The following TNRC6A variants were observed in gnomAD, a reference collection of about 807,000 sequenced individuals.
The protein encoded by TNRC6A is trinucleotide repeat containing adaptor 6A, also known as trinucleotide repeat-containing gene 6A protein.
In TNRC6A, 44 loss-of-function variants were observed where a neutral mutation model predicts 221.2. That is an observed-to-expected ratio of 0.20 (90% CI 0.16 to 0.26). TNRC6A has a LOEUF of 0.26. Ranked by LOEUF, TNRC6A falls within the 10% of genes least tolerant of loss-of-function variation. The probability of loss-of-function intolerance (pLI) is 1.00; values close to 1 mark genes in which losing one functional copy is unlikely to be tolerated. For synonymous variants in TNRC6A, 847 were observed against 838.5 expected (o/e 1.01, Z -0.18); for missense variants, 2,199 against 2,404.4 (o/e 0.91, Z 1.79).
chr16:24,754,190 T>C (rs572904985), intron 3 of TNRC6A, among the ~76,000 whole-genome samples: 8 of 152,318 alleles, frequency 5.3e-5, no homozygotes, highest in African/African-American at 1.4e-4. Context: ...GGTTATTTTC[T>C]ATTTTAAATA....
At position 24,823,763 on chromosome 16, in the gene TNRC6A, T is replaced by C. The variant is rs764133353; in HGVS notation, c.5845T>C (p.Phe1949Leu). The change falls in exon 25 of 25, where the codon TTT becomes CTT. Residue 1949 changes from phenylalanine to leucine, a missense_variant. This residue lies in a region of TNRC6A where 130 missense variants were observed against 121.7 expected (regional missense o/e 1.07). Transcript: ENST00000395799. The surrounding 1 kb of genome is among the most constrained non-coding windows in gnomAD (Gnocchi z 4.3). ...TAGCAGCCCATCTCCCATTAACGCT[T>C]TTCTTTCTGTTGACCACCTGGGTGG... The part of the protein sequence containing the change: ...GISSPSPINA[F>L]LSVDHLGGGG... The C allele has an allele frequency of 4.0e-6, 6 of 1,486,536 alleles. No individual in the cohort carries two copies. Among genetic ancestry groups the C allele is most frequent in the Admixed American group, 2.4e-5 (1 of 40,848 alleles). 92.1% of individuals were successfully genotyped at this position (1,486,536 alleles called of 1,614,324 possible).
intron 2 of TNRC6A, among the ~76,000 whole-genome samples, chr16:24,702,017 A>C (rs1208846649): frequency 6.6e-6 from 1 of 150,716 alleles, no homozygotes; most frequent in Non-Finnish European, 1.5e-5. Context: ...CAATAACCCC[A>C]CTGATTGCCT....
At chr16:24,755,607 C>A (rs1319776997) in intron 3 of TNRC6A, among the ~76,000 whole-genome samples, 1 of 152,190 alleles carries the variant, frequency 6.6e-6, no homozygotes, top group East Asian at 1.9e-4. Flanking sequence ...GTGTAAGTGG[C>A]AGAGCCAGGT....
At chr16:24,801,500 A>G (rs531248481) in intron 11 of TNRC6A, among the ~76,000 whole-genome samples, 1 of 150,678 alleles carries the variant, frequency 6.6e-6, no homozygotes, top group African/African-American at 2.4e-5. Flanking sequence ...GTGTTGGAGA[A>G]TGGTTTGTGG....
intron 1 of TNRC6A, among the ~76,000 whole-genome samples, chr16:24,613,115 C>CA (rs553122873): frequency 0.031 from 1,665 of 54,262 alleles, 24 homozygotes; most frequent in African/African-American, 0.037. Flanking sequence ...GACTCTGTCT[C>CA]AAAAAAAAAA....
chr16:24,644,517 C>T (rs1380109464), intron 2 of TNRC6A, among the ~76,000 whole-genome samples: 1 of 152,154 alleles, frequency 6.6e-6, no homozygotes, highest in East Asian at 1.9e-4. Flanking sequence ...TGGTCTTAAA[C>T]TCCTAGGCTC....
chr16:24,673,520 C>CAGTG (rs2055348385), intron 2 of TNRC6A, among the ~76,000 whole-genome samples: 1 of 152,170 alleles, frequency 6.6e-6, no homozygotes. Context: ...CCAGCTCGAG[C>CAGTG]AGTGAAACAA....
chr16:24,707,538 C>G (rs188986249), intron 2 of TNRC6A, among the ~76,000 whole-genome samples: 6 of 152,152 alleles, frequency 3.9e-5, no homozygotes, highest in Non-Finnish European at 7.4e-5. Flanking sequence ...TTCTACAATT[C>G]ATGCAACAGA....
intron 18 of TNRC6A, among the ~76,000 whole-genome samples, chr16:24,811,060 G>A (rs140612827): frequency 3.9e-5 from 6 of 152,266 alleles, no homozygotes; most frequent in East Asian, 3.9e-4. Context: ...GGTGTTCGCC[G>A]TAAATCATAT....
At chr16:24,650,674 A>G (rs28787982) in intron 2 of TNRC6A, among the ~76,000 whole-genome samples, 34,227 of 151,752 alleles carry the variant, frequency 0.23, 4,024 homozygotes, top group African/African-American at 0.29. Flanking sequence ...CAAAAAAAAA[A>G]AAAGAAAGAA....
chr16:24,655,010 A>G (rs943648713), intron 2 of TNRC6A, among the ~76,000 whole-genome samples: 1 of 152,202 alleles, frequency 6.6e-6, no homozygotes, highest in Non-Finnish European at 1.5e-5. Flanking sequence ...TGGGAGCCCA[A>G]GGTGGGTGGA....
intron 19 of TNRC6A, 22 bp downstream of exon 19, chr16:24,815,327 T>C: frequency 6.2e-7 from 1 of 1,612,968 alleles, no homozygotes; most frequent in Non-Finnish European, 8.5e-7. Flanking sequence ...TCTAACACTT[T>C]CTTTCATGAG....
At chr16:24,776,661 A>G in intron 4 of TNRC6A, 2 of 985,404 alleles carry the variant, frequency 2.0e-6, no homozygotes, top group Non-Finnish European at 2.4e-6. Flanking sequence ...CCAGAGAGTA[A>G]TGTGGTAAAA....
intron 2 of TNRC6A, among the ~76,000 whole-genome samples, chr16:24,695,744 TG>T (rs1378038927): frequency 6.6e-6 from 1 of 152,176 alleles, no homozygotes; most frequent in East Asian, 1.9e-4. Flanking sequence ...ACATTCAGCA[TG>T]GAAAAGCAAG....
At chr16:24,720,492 C>A (rs1353699291) in intron 2 of TNRC6A, among the ~76,000 whole-genome samples, 1 of 151,416 alleles carries the variant, frequency 6.6e-6, no homozygotes, top group South Asian at 2.1e-4. Flanking sequence ...AGTTCGAGAC[C>A]AGCCTGGCCA....
chr16:24,627,476 A>C (rs1473103375), intron 1 of TNRC6A, among the ~76,000 whole-genome samples: 1 of 151,686 alleles, frequency 6.6e-6, no homozygotes, highest in Non-Finnish European at 1.5e-5. Flanking sequence ...TAATTATCTT[A>C]ATGACTGCCC....
In TNRC6A at chr16:24,662,443, C is replaced by T. The variant is rs140636697; in HGVS notation, n.402+21434C>T. The T allele has an allele frequency of 2.5e-3, 386 of 151,630 alleles. 2 individuals are homozygous for T. Among genetic ancestry groups the T allele is most frequent in the African/African-American group, 8.7e-3 (361 of 41,270 alleles). The allele number at this position is 151,630 out of a possible 1,614,324, so 9.4% of individuals were successfully genotyped here. A position where few individuals can be genotyped will look rare whatever the true frequency, so the allele number is the denominator to read the frequency against. The stretch of plus-strand genomic sequence containing the variant: ...AGGCTGCAGTGAGCCATGATCGTGC[C>T]GCTGTACTCCAGCCTGGGTGTCAGA... On this transcript the variant is annotated intron_variant and non_coding_transcript_variant, in intron 2 of 2. Transcript: ENST00000566108.
Position 24,645,834 on chromosome 16 carries a change from CAAAAAAAAAAAAAAAA to C in TNRC6A, n.402+4843_402+4858del, listed in dbSNP as rs36106864. ...GAAACATGACAAGACCCTGTATCTACAAAAAAAAAAAAAAAAAAAAAAAAAAAAAAAAATTAGCAGG... is the reference window on the plus strand; with the variant it reads ...GAAACATGACAAGACCCTGTATCTACAAAAAAAAAAAAAAAAATTAGCAGG... On this transcript the variant is annotated intron_variant and non_coding_transcript_variant, in intron 2 of 2. Coordinates refer to the TNRC6A transcript ENST00000566108. 0.017 allele frequency among the ~76,000 whole-genome samples: 465 copies of C among 26,674 alleles called. 20 individuals carry two copies. The East Asian group carries it at 0.22, about 12-fold the overall frequency. The allele number at this position is 26,674 out of a possible 152,430, so 17.5% of individuals were successfully genotyped here. A position where few individuals can be genotyped will look rare whatever the true frequency, so the allele number is the denominator to read the frequency against.
chr16:24,822,030 CTCTT>C (rs1325775286), intron 22 of TNRC6A, 43 bp from the exon 23 acceptor site: 1 of 1,580,462 alleles, frequency 6.3e-7, no homozygotes, highest in Admixed American at 1.7e-5. Flanking sequence ...TGTAGTTGGG[CTCTT>C]TCAGTCCTGG....
Sources: allele counts gnomAD v4.1 joint callset (sites outside exome capture counted in the v4.1 genomes callset), GRCh38; gene constraint gnomAD v4.1.1; regional missense constraint gnomAD v4.1.1; non-coding constraint Gnocchi (gnomAD v3.1); transcripts MANE v1.5; gene names NCBI Gene and HGNC (gene_info 2026-07-23, HGNC 2026-07-21).